Variants in SMAD9 observed in about 807,000 individuals in gnomAD.
SMAD9 encodes SMAD family member 9, also known as MAD homolog 9.
In SMAD9, 36 loss-of-function variants were observed where a neutral mutation model predicts 46.1. The ratio of observed to expected loss-of-function variants is 0.78; its 90% CI spans 0.60 to 1.03. The LOEUF (loss-of-function observed/expected upper bound fraction) is 1.03. Among genes scored for constraint, SMAD9 ranks in the 50% least tolerant of loss-of-function variants. The pLI is 0.00. For synonymous variants in SMAD9, 245 were observed against 237.1 expected (o/e 1.03, Z -0.31); for missense variants, 572 against 599.8 (o/e 0.95, Z 0.48).
At chr13:36,861,193 C>T (rs1045954704) in intron 5 of SMAD9, among the ~76,000 whole-genome samples, 3 of 152,214 alleles carry the variant, frequency 2.0e-5, no homozygotes, top group South Asian at 4.1e-4. Flanking sequence ...GGCAACATGA[C>T]CTTCCTTTAG....
At chr13:36,890,240 C>G (rs2138571645) in intron 1 of SMAD9, among the ~76,000 whole-genome samples, 1 of 152,128 alleles carries the variant, frequency 6.6e-6, no homozygotes, top group East Asian at 1.9e-4. Context: ...ATTTCTACTT[C>G]CAAAATATAA....
intron 5 of SMAD9, among the ~76,000 whole-genome samples, chr13:36,856,667 G>C (rs1249626132): frequency 2.6e-5 from 4 of 152,230 alleles, no homozygotes; most frequent in Admixed American, 2.0e-4. Context: ...TTAAACGCCA[G>C]TGTCAGATTC....
chr13:36,902,456 C>G (rs190301417), intron 1 of SMAD9, among the ~76,000 whole-genome samples: 25 of 151,116 alleles, frequency 1.7e-4, no homozygotes, highest in Non-Finnish European at 4.4e-5. Context: ...CAACTTTGTT[C>G]TTCTTTTTTT....
intron 1 of SMAD9, among the ~76,000 whole-genome samples, chr13:36,898,765 A>T (rs2058550083): frequency 6.6e-6 from 1 of 152,218 alleles, no homozygotes; most frequent in African/African-American, 2.4e-5. Flanking sequence ...AAATAGAAGG[A>T]AACTTCCACA....
At chr13:36,865,482 C>A (rs543294024) in intron 5 of SMAD9, 55 bp downstream of exon 5, 3 of 1,454,368 alleles carry the variant, frequency 2.1e-6, no homozygotes, top group African/African-American at 1.4e-5. Flanking sequence ...CTTCTACACA[C>A]ATGACCATCT....
rs1555247373 is a variant in SMAD9 at position 36,920,203 on chromosome 13, G to GCGGCGGCGGCGGCCC, written c.-289_-275dup. On this transcript the variant is annotated 5_prime_UTR_variant, in exon 1 of 7. Coordinates refer to ENST00000379826, the MANE Select transcript of SMAD9 (RefSeq NM_001127217.3). ...GGCTGCAGCAGCGGCGGCGGCGGCG[G>GCGGCGGCGGCGGCCC]CGGCGGCGGCGGCCCCAGCCGGCGT... 1.2e-4 allele frequency: 19 copies of GCGGCGGCGGCGGCCC among 164,822 alleles called. No homozygotes were observed. Among genetic ancestry groups the GCGGCGGCGGCGGCCC allele is most frequent in the Non-Finnish European group, 1.6e-4 (13 of 80,414 alleles). 10.2% of individuals were successfully genotyped at this position (164,822 alleles called of 1,614,324 possible).
chr13:36,919,477 T>G (rs575872915), intron 1 of SMAD9, among the ~76,000 whole-genome samples: 1 of 152,264 alleles, frequency 6.6e-6, no homozygotes, highest in South Asian at 2.1e-4. Context: ...TCAGTTCGCA[T>G]GCCTCAAAGG....
At chr13:36,865,193 C>A (rs1314111494) in intron 5 of SMAD9, among the ~76,000 whole-genome samples, 1 of 152,206 alleles carries the variant, frequency 6.6e-6, no homozygotes, top group African/African-American at 2.4e-5. Flanking sequence ...CAGAAATGAT[C>A]CTAGTTTGTA....
chr13:36,910,841 T>C (rs2058655494), intron 1 of SMAD9, among the ~76,000 whole-genome samples: 1 of 152,084 alleles, frequency 6.6e-6, no homozygotes, highest in Non-Finnish European at 1.5e-5. Context: ...ATCCCCAGAT[T>C]TGGTAAGTGT....
chr13:36,903,187 C>T (rs564931761), intron 1 of SMAD9, among the ~76,000 whole-genome samples: 3 of 145,900 alleles, frequency 2.1e-5, no homozygotes, highest in South Asian at 4.4e-4. Context: ...AGAGCAGTGA[C>T]GCCATCTTAG....
intron 2 of SMAD9, among the ~76,000 whole-genome samples, chr13:36,874,647 G>A (rs2037198352): frequency 6.6e-6 from 1 of 152,022 alleles, no homozygotes; most frequent in Admixed American, 6.6e-5. Context: ...CACGAGGTCA[G>A]GAGATCGAGA....
Position 36,879,673 on chromosome 13 carries a change from G to A in SMAD9, c.17C>T (p.Pro6Leu), listed in dbSNP as rs764161648. The change falls in exon 2 of 7, where the codon CCC becomes CTC. Residue 6 changes from proline to leucine, a missense_variant. Pro to Leu is a moderately conservative substitution (Grantham distance 98). Coordinates refer to ENST00000379826, the MANE Select transcript of SMAD9 (RefSeq NM_001127217.3). ...GGTGAAGGAGAAGAGGGAGCTGATG[G>A]GGGTGGTGGAGTGCATAAGAGGCCA... MHSTT[P>L]ISSLFSFTSP... 5 of 1,614,042 alleles carry A rather than the reference G, an allele frequency of 3.1e-6. No individual in the cohort carries two copies. In the African/African-American group the frequency reaches 6.7e-5, roughly 22 times the overall value.
At chr13:36,854,916 T>C (rs2058108886) in intron 5 of SMAD9, among the ~76,000 whole-genome samples, 1 of 152,158 alleles carries the variant, frequency 6.6e-6, no homozygotes. Context: ...CATTTTCAGA[T>C]ACAGTAATAT....
intron 4 of SMAD9, among the ~76,000 whole-genome samples, chr13:36,866,716 G>A (rs188718772): frequency 5.9e-5 from 9 of 152,272 alleles, no homozygotes; most frequent in African/African-American, 1.9e-4. Context: ...TCATGGAACA[G>A]TAGCCTCCGC....
intron 1 of SMAD9, among the ~76,000 whole-genome samples, chr13:36,893,620 CCA>C (rs904546121): frequency 2.6e-5 from 4 of 151,342 alleles, no homozygotes; most frequent in Middle Eastern, 3.5e-3. Flanking sequence ...TTAATGATAT[CCA>C]CAAAGATTAA....
intron 1 of SMAD9, among the ~76,000 whole-genome samples, chr13:36,889,234 C>T (rs545342869): frequency 2.0e-5 from 3 of 152,272 alleles, no homozygotes; most frequent in Admixed American, 2.0e-4. Context: ...CCCACATATT[C>T]TGGTCCAGCT....
At position 36,919,793 on chromosome 13, in the gene SMAD9, C is replaced by T. The variant is rs552645201; in HGVS notation, c.-187+323G>A. The stretch of plus-strand genomic sequence containing the variant: ...AGGCGAGCTGCGCCGCGGCCAACTC[C>T]CCAGAGCAGTCCCCTCCGGCCCCGC... On this transcript the variant is annotated intron_variant, in intron 1 of 6. Transcript: ENST00000379826. Among the ~76,000 whole-genome samples, 16 of 151,372 alleles carry T rather than the reference C, an allele frequency of 1.1e-4. 1 individual carries two copies. Among genetic ancestry groups the T allele is most frequent in the Admixed American group, 1.1e-3 (16 of 15,232 alleles).
chr13:36,908,215 TTC>T (rs770976195), intron 1 of SMAD9, among the ~76,000 whole-genome samples: 5 of 152,238 alleles, frequency 3.3e-5, no homozygotes, highest in Non-Finnish European at 5.9e-5. Context: ...GAGATCTGTT[TTC>T]TGTTTCACAA....
Position 36,872,824 on chromosome 13 carries a change from C to G in SMAD9, c.504G>C (p.Glu168Asp). The change falls in exon 3 of 7, where the codon GAG becomes GAC. Residue 168 changes from glutamate (E) to aspartate (D), a missense_variant. Transcript: ENST00000379826. ...AGGTGGCGTTGTGTGGCATGAGTGG[C>G]TCACTGTGCAGGGAGGCGCTGCGGA... ...AKFRSASLHS[E>D]PLMPHNATYP... The G allele has an allele frequency of 6.2e-7, 1 of 1,614,078 alleles. No individual in the cohort carries two copies. The highest frequency in any genetic ancestry group is 1.1e-5 in the South Asian group (1 of 91,078).
Sources: allele counts gnomAD v4.1 joint callset (sites outside exome capture counted in the v4.1 genomes callset), GRCh38; gene constraint gnomAD v4.1.1; transcripts MANE v1.5; gene names NCBI Gene and HGNC (gene_info 2026-07-23, HGNC 2026-07-21).